Variants in CNTN5 observed in about 807,000 individuals in gnomAD.
CNTN5 encodes the protein contactin-5.
CNTN5 carries 77 observed loss-of-function variants against 129.1 expected under a neutral mutation model. The ratio of observed to expected loss-of-function variants is 0.60; its 90% confidence interval spans 0.50 to 0.72. The LOEUF is 0.72. Among genes scored for constraint, CNTN5 ranks in the 30% least tolerant of loss-of-function variants. CNTN5 has a pLI of 0.00. For synonymous variants in CNTN5, 509 were observed against 465.6 expected, an observed-to-expected ratio of 1.09 and a Z score of -1.20; for missense variants, 1,478 against 1,328.8, an observed-to-expected ratio of 1.11 and a Z score of -1.75.
intron 3 of CNTN5, among the ~76,000 whole-genome samples, chr11:99,804,533 G>GAA (rs1284896714): frequency 7.1e-6 from 1 of 140,554 alleles, no homozygotes; most frequent in African/African-American, 2.6e-5. Flanking sequence ...TTTTGAGATA[G>GAA]AAAAAAAAAA....
intron 6 of CNTN5, among the ~76,000 whole-genome samples, chr11:99,891,958 G>GC (rs1192103366): frequency 6.6e-6 from 1 of 152,236 alleles, no homozygotes; most frequent in African/African-American, 2.4e-5. Context: ...CAGTGTAAAA[G>GC]CATTTCTATC....
At position 99,652,707 on chromosome 11, in the gene CNTN5, G is replaced by A. The variant is rs376290311; in HGVS notation, c.55+96438G>A. On this transcript the variant is annotated intron_variant, in intron 3 of 24. Coordinates refer to ENST00000524871, the MANE Select transcript of CNTN5 (RefSeq NM_014361.4). ...TGTACAACTATTTAAGTTTGCAGTC[G>A]AAATACTAACATGCTTCAGAATGAA... Among the ~76,000 whole-genome samples, 35 of 152,060 alleles carry A rather than the reference G, an allele frequency of 2.3e-4. 1 individual carries two copies. The South Asian group carries it at 6.6e-3, about 29-fold the overall frequency.
intron 3 of CNTN5, among the ~76,000 whole-genome samples, chr11:99,585,219 CCTTTAAGAAA>C (rs1949753990): frequency 6.6e-6 from 1 of 152,112 alleles, no homozygotes; most frequent in African/African-American, 2.4e-5. Context: ...TTACAACTAG[CCTTTAAGAAA>C]CTTGAGTTTT....
chr11:100,031,995 C>T (rs556504290), intron 9 of CNTN5, among the ~76,000 whole-genome samples: 1 of 152,138 alleles, frequency 6.6e-6, no homozygotes, highest in Admixed American at 6.5e-5. Context: ...ATTTCTCAAC[C>T]TGCCGATCCA....
At chr11:99,859,076 G>C (rs1038293754) in intron 6 of CNTN5, among the ~76,000 whole-genome samples, 1 of 152,106 alleles carries the variant, frequency 6.6e-6, no homozygotes, top group Non-Finnish European at 1.5e-5. Flanking sequence ...TTCTTTACCT[G>C]ACTCTGTGTC....
At chr11:99,676,999 C>G (rs926620355) in intron 3 of CNTN5, among the ~76,000 whole-genome samples, 1 of 152,090 alleles carries the variant, frequency 6.6e-6, no homozygotes, top group Non-Finnish European at 1.5e-5. Context: ...AACTCAAACT[C>G]ATTATCAAGC....
At chr11:99,898,465 A>G (rs557781521) in intron 6 of CNTN5, among the ~76,000 whole-genome samples, 292 of 152,140 alleles carry the variant, frequency 1.9e-3, no homozygotes, top group Middle Eastern at 6.8e-3. Context: ...AAACCTGAAG[A>G]CGTAAGATAA....
chr11:99,228,317 A>T (rs1353066851), intron 1 of CNTN5, among the ~76,000 whole-genome samples: 4 of 152,136 alleles, frequency 2.6e-5, no homozygotes, highest in Admixed American at 1.3e-4. Context: ...GATAGATACT[A>T]GAGGCTGGCA....
intron 2 of CNTN5, among the ~76,000 whole-genome samples, chr11:99,334,230 A>G (rs1027663532): frequency 2.6e-5 from 4 of 152,226 alleles, no homozygotes; most frequent in South Asian, 2.1e-4. Flanking sequence ...CAGGGTAAAA[A>G]TAGAATGTGA....
intron 2 of CNTN5, among the ~76,000 whole-genome samples, chr11:99,398,121 G>A (rs1401745033): frequency 1.3e-5 from 2 of 151,766 alleles, no homozygotes; most frequent in African/African-American, 2.4e-5. Flanking sequence ...ATTCCTTAAC[G>A]CCAGTTACAC....
chr11:99,271,274 C>CT (rs1303485229), intron 1 of CNTN5, among the ~76,000 whole-genome samples: 1 of 151,758 alleles, frequency 6.6e-6, no homozygotes, highest in East Asian at 1.9e-4. Context: ...TTAACTACTT[C>CT]TTTTGATGAA....
chr11:99,646,499 C>T (rs115721314), intron 3 of CNTN5, among the ~76,000 whole-genome samples: 1,819 of 152,210 alleles, frequency 0.012, 39 homozygotes, highest in African/African-American at 0.041. Context: ...AAACTCAAGG[C>T]AGTATTTTCC....
At chr11:99,121,363 C>T (rs2135408274) in intron 1 of CNTN5, among the ~76,000 whole-genome samples, 1 of 152,156 alleles carries the variant, frequency 6.6e-6, no homozygotes, top group East Asian at 1.9e-4. Flanking sequence ...GAACTCCTGA[C>T]CTAAGGGGAC....
At chr11:99,927,471 G>A (rs929717420) in intron 7 of CNTN5, among the ~76,000 whole-genome samples, 4 of 152,168 alleles carry the variant, frequency 2.6e-5, no homozygotes, top group Non-Finnish European at 5.9e-5. Flanking sequence ...AAGGAAAGAC[G>A]TTTAATTGAC....
chr11:99,725,172 G>A (rs1405637182), intron 3 of CNTN5, among the ~76,000 whole-genome samples: 1 of 152,096 alleles, frequency 6.6e-6, no homozygotes, highest in Non-Finnish European at 1.5e-5. Context: ...GATGGCCTCA[G>A]GAAACAGTTA....
At chr11:99,811,892 C>T (rs1946439362) in intron 3 of CNTN5, among the ~76,000 whole-genome samples, 1 of 152,074 alleles carries the variant, frequency 6.6e-6, no homozygotes, top group South Asian at 2.1e-4. Flanking sequence ...CTAGATTTAG[C>T]TGACATCTTC....
At chr11:100,271,533 T>C (rs1950407830) in intron 18 of CNTN5, among the ~76,000 whole-genome samples, 1 of 152,220 alleles carries the variant, frequency 6.6e-6, no homozygotes, top group African/African-American at 2.4e-5. Flanking sequence ...ATTCTTCTAA[T>C]AATATACTCA....
At chr11:100,154,139 T>C (rs1196150833) in intron 13 of CNTN5, among the ~76,000 whole-genome samples, 3 of 152,112 alleles carry the variant, frequency 2.0e-5, no homozygotes, top group African/African-American at 7.2e-5. Context: ...CTGTGTGTGA[T>C]GTTCCCCACT....
intron 3 of CNTN5, among the ~76,000 whole-genome samples, chr11:99,787,101 GTTT>G (rs1429867110): frequency 2.8e-5 from 4 of 143,602 alleles, no homozygotes; most frequent in Admixed American, 7.0e-5. Context: ...TTTTTTTTTT[GTTT>G]TTTATTTATT....
Sources: gnomAD v4.1 joint callset for allele counts (sites outside exome capture counted in the v4.1 genomes callset) on GRCh38, gnomAD v4.1.1 for gene constraint, MANE v1.5 for transcripts, NCBI Gene and HGNC (gene_info 2026-07-23, HGNC 2026-07-21) for gene names.